Variants in RIN2 observed in about 807,000 individuals in gnomAD.
The protein encoded by RIN2 is RAB5 interacting protein 2.
A neutral mutation model predicts 78.0 loss-of-function variants in RIN2; 36 were observed. The ratio of observed to expected loss-of-function variants is 0.46; its 90% CI spans 0.35 to 0.61. The LOEUF is 0.61. Among genes scored for constraint, RIN2 ranks in the 20% least tolerant of loss-of-function variants. The probability of loss-of-function intolerance (pLI) is 0.00; values close to 1 mark genes in which losing one functional copy is unlikely to be tolerated. For missense variants in RIN2, 1,087 were observed against 1,159.7 expected (o/e 0.94, Z 0.91); for synonymous variants, 466 against 466.8 (o/e 1.00, Z 0.02).
intron 2 of RIN2, 31 bp from the exon 3 acceptor site, chr20:19,889,535 G>C (rs1314611714): frequency 6.5e-7 from 1 of 1,535,138 alleles, no homozygotes; most frequent in South Asian, 1.2e-5. Flanking sequence ...CTACAGGCTG[G>C]ACTAACCATT....
At chr20:19,853,025 C>A in intron 2 of RIN2, among the ~76,000 whole-genome samples, 1 of 111,000 alleles carries the variant, frequency 9.0e-6, no homozygotes, top group African/African-American at 3.4e-5. Context: ...TAATGCTATG[C>A]CTCCCCCTCC....
At chr20:19,790,791 C>T in intron 1 of RIN2, among the ~76,000 whole-genome samples, 1 of 152,104 alleles carries the variant, frequency 6.6e-6, no homozygotes. Context: ...TCTTACTTGC[C>T]CTAAATGGTC....
At chr20:19,763,001 G>T (rs1860531612) in intron 1 of RIN2, among the ~76,000 whole-genome samples, 2 of 152,066 alleles carry the variant, frequency 1.3e-5, no homozygotes, top group South Asian at 4.2e-4. Context: ...CTGACCTCGG[G>T]TAATCCACCC....
chr20:20,000,035 A>C (rs182143599), intron 12 of RIN2, among the ~76,000 whole-genome samples: 1 of 152,304 alleles, frequency 6.6e-6, no homozygotes, highest in Non-Finnish European at 1.5e-5. Flanking sequence ...AAAGTTTGTC[A>C]AAAGTGAACA....
chr20:19,911,767 T>C (rs1003882974), intron 3 of RIN2, among the ~76,000 whole-genome samples: 1 of 152,260 alleles, frequency 6.6e-6, no homozygotes, highest in Admixed American at 6.5e-5. Flanking sequence ...GTCACATACA[T>C]GCAGAAAGTG....
At chr20:19,856,240 T>C (rs955304068) in intron 2 of RIN2, among the ~76,000 whole-genome samples, 10 of 152,314 alleles carry the variant, frequency 6.6e-5, no homozygotes, top group Admixed American at 3.9e-4. Context: ...CGACATTCTG[T>C]GTCTAAATAT....
At chr20:19,872,409 A>C (rs2037716765) in intron 2 of RIN2, 2 of 152,252 alleles carry the variant, frequency 1.3e-5, no homozygotes, top group South Asian at 4.1e-4. Context: ...GCACTGGTCC[A>C]AATGCAAAGG....
chr20:19,949,710 G>A (rs1158293427), intron 4 of RIN2, among the ~76,000 whole-genome samples: 1 of 152,180 alleles, frequency 6.6e-6, no homozygotes, highest in Non-Finnish European at 1.5e-5. Context: ...GTGATGTAGG[G>A]GGAGGTGCAA....
intron 2 of RIN2, among the ~76,000 whole-genome samples, chr20:19,872,595 T>C (rs2037722624): frequency 6.6e-6 from 1 of 152,156 alleles, no homozygotes; most frequent in Admixed American, 6.5e-5. Context: ...CAACCCAGCT[T>C]CCTTGACCTC....
rs181287386 is a variant in RIN2, at chr20:19,967,284, G to A, written c.536+2260G>A. Among the ~76,000 whole-genome samples, 5 of 152,324 alleles carry A rather than the reference G, an allele frequency of 3.3e-5. No homozygotes were observed. The East Asian group carries it at 9.6e-4, about 29-fold the overall frequency. ...AGGAAAACTCCAAAATTGATGTTTTGCAGGTAGGAAGGCCAAGATTAATTT... is the reference window on the plus strand; with the variant it reads ...AGGAAAACTCCAAAATTGATGTTTTACAGGTAGGAAGGCCAAGATTAATTT... On this transcript the variant is annotated intron_variant, in intron 7 of 12. Transcript: ENST00000255006.
intron 2 of RIN2, among the ~76,000 whole-genome samples, chr20:19,822,599 TA>T (rs1336432405): frequency 6.6e-6 from 1 of 152,218 alleles, no homozygotes; most frequent in African/African-American, 2.4e-5. Flanking sequence ...TAATGACACC[TA>T]TTCTTCTAGG....
At chr20:19,835,065 A>G (rs1288306135) in intron 2 of RIN2, among the ~76,000 whole-genome samples, 5 of 143,266 alleles carry the variant, frequency 3.5e-5, no homozygotes, top group East Asian at 4.3e-4. Context: ...AAGAAAGAGA[A>G]AAAGAGAAAG....
At chr20:19,788,432 C>CAAAAAAAAAAAAA (rs1224663738) in intron 1 of RIN2, among the ~76,000 whole-genome samples, 4,018 of 53,226 alleles carry the variant, frequency 0.075, 147 homozygotes, top group Non-Finnish European at 0.097. Context: ...CTGTCTCTGC[C>CAAAAAAAAAAAAA]AAAAAAAAAA....
chr20:19,912,548 G>A (rs774113147), intron 3 of RIN2, among the ~76,000 whole-genome samples: 7 of 135,328 alleles, frequency 5.2e-5, no homozygotes, highest in Admixed American at 8.9e-5. Flanking sequence ...CTGCGATTTC[G>A]GCTCACTGCA....
In RIN2 at chr20:19,975,074, G is replaced by A; in HGVS notation, c.1049G>A (p.Gly350Glu). ...HNKHGNVALP[G>E]TKPTPIPPPR... ...AAACATGGGAACGTAGCTCTGCCTG[G>A]AACGAAACCAACTCCCATCCCTCCA... Residue 350 changes from glycine (G) to glutamate (E), a missense_variant, in exon 9 of 13, where the codon GGA becomes GAA. Around this residue, in one of 8 missense-constraint regions of RIN2, gnomAD observed 706 missense variants for 667.5 expected, o/e 1.06. Transcript: ENST00000255006. The surrounding 1 kb of genome is among the most constrained non-coding windows in gnomAD (Gnocchi z 4.9). 4 of 1,613,542 alleles carry A rather than the reference G, an allele frequency of 2.5e-6. No individual in the cohort carries two copies. Among genetic ancestry groups the A allele is most frequent in the Non-Finnish European group, 3.4e-6 (4 of 1,179,890 alleles).
intron 1 of RIN2, among the ~76,000 whole-genome samples, chr20:19,785,704 A>G (rs116319284): frequency 6.7e-4 from 102 of 152,324 alleles, no homozygotes; most frequent in African/African-American, 2.3e-3. Flanking sequence ...AGACTAGGAA[A>G]TACCCAAATA....
chr20:19,844,589 TGCTG>T (rs1568806792), intron 2 of RIN2, among the ~76,000 whole-genome samples: 7 of 138,830 alleles, frequency 5.0e-5, no homozygotes, highest in African/African-American at 1.9e-4. Flanking sequence ...CTGCTGCTGC[TGCTG>T]CTTCTTCCTC....
At chr20:19,961,006 A>T (rs1418749544) in intron 6 of RIN2, among the ~76,000 whole-genome samples, 195 bp downstream of exon 6, 2 of 152,182 alleles carry the variant, frequency 1.3e-5, no homozygotes, top group Non-Finnish European at 1.5e-5. Context: ...AACCTCTGAG[A>T]TGTTAATGAG....
At chr20:19,764,396 G>A (rs973533833) in intron 1 of RIN2, among the ~76,000 whole-genome samples, 4 of 152,162 alleles carry the variant, frequency 2.6e-5, no homozygotes, top group Admixed American at 2.6e-4. Flanking sequence ...CACACCAGGG[G>A]AAGTTGAGTG....
Sources: gnomAD v4.1 joint callset for allele counts (sites outside exome capture counted in the v4.1 genomes callset) on GRCh38, gnomAD v4.1.1 for gene constraint, gnomAD v4.1.1 regional missense constraint, Gnocchi (gnomAD v3.1) non-coding constraint, MANE v1.5 for transcripts, NCBI Gene and HGNC (gene_info 2026-07-23, HGNC 2026-07-21) for gene names.